The following ARHGAP18 variants were observed in gnomAD, a reference collection of about 807,000 sequenced individuals.
ARHGAP18 encodes the protein rho GTPase-activating protein 18.
Under a neutral mutation model 86.2 loss-of-function variants are expected in ARHGAP18, and 67 were observed. The observed-to-expected ratio is 0.78, with a 90% CI of 0.64 to 0.95. ARHGAP18 has a LOEUF of 0.95. ARHGAP18 is among the 40% of genes least tolerant of loss of function. The pLI, the probability that ARHGAP18 is intolerant of heterozygous loss-of-function variation, is 0.00. For missense variants in ARHGAP18, 691 were observed against 780.4 expected (o/e 0.89, Z 1.37); for synonymous variants, 283 against 280.4 (o/e 1.01, Z -0.09).
chr6:129,624,727 C>T (rs1030525450), intron 5 of ARHGAP18, among the ~76,000 whole-genome samples: 37 of 151,180 alleles, frequency 2.4e-4, no homozygotes, highest in Non-Finnish European at 4.3e-4. Context: ...GGTGGATCAC[C>T]TGAGGAGAGG....
intron 5 of ARHGAP18, among the ~76,000 whole-genome samples, chr6:129,625,729 TATTTA>T (rs1335694509): frequency 1.8e-5 from 1 of 55,512 alleles, no homozygotes; most frequent in Non-Finnish European, 3.0e-5. Flanking sequence ...ATATTATATA[TATTTA>T]TTATATATTT....
At chr6:129,619,981 A>T (rs1789194429) in intron 5 of ARHGAP18, among the ~76,000 whole-genome samples, 1 of 151,946 alleles carries the variant, frequency 6.6e-6, no homozygotes, top group Non-Finnish European at 1.5e-5. Flanking sequence ...CAACAAAAAG[A>T]AGAGGATGGG....
intron 1 of ARHGAP18, among the ~76,000 whole-genome samples, chr6:129,681,327 C>T (rs561229716): frequency 2.0e-5 from 3 of 152,290 alleles, no homozygotes; most frequent in East Asian, 3.9e-4. Context: ...CCGCCTGCCT[C>T]GGCCTCCCAA....
At position 129,595,062 on chromosome 6, in the gene ARHGAP18, G is replaced by A. The variant is rs1363102033; in HGVS notation, c.1713+4154C>T. On this transcript the variant is annotated intron_variant, in intron 12 of 14. Coordinates refer to ENST00000368149, the MANE Select transcript of ARHGAP18 (RefSeq NM_033515.3). ...ATCTAGATAACCTTAGTAACTTTAA[G>A]ATTGCTAATTCTCACTTTCCTCATC... is the stretch of plus-strand genomic sequence containing the variant. 2.6e-5 allele frequency among the ~76,000 whole-genome samples: 4 copies of A among 152,212 alleles called. No homozygotes were observed. The South Asian group carries it at 8.3e-4, about 32-fold the overall frequency.
chr6:129,609,148 A>C (rs1006797393), intron 8 of ARHGAP18, among the ~76,000 whole-genome samples: 7 of 152,108 alleles, frequency 4.6e-5, no homozygotes, highest in Non-Finnish European at 1.0e-4. Flanking sequence ...AAAGGACAAC[A>C]GAGGAAGATC....
intron 1 of ARHGAP18, among the ~76,000 whole-genome samples, chr6:129,674,026 T>TC (rs1460147964): frequency 6.6e-6 from 1 of 152,150 alleles, no homozygotes; most frequent in Non-Finnish European, 1.5e-5. Flanking sequence ...TTAAGCTTCT[T>TC]CCCAACTCTA....
At chr6:129,585,062 T>G (rs1372586885) in intron 12 of ARHGAP18, among the ~76,000 whole-genome samples, 2 of 151,908 alleles carry the variant, frequency 1.3e-5, no homozygotes, top group Admixed American at 1.3e-4. Flanking sequence ...GAATTGTTTT[T>G]TTAAAAAATA....
chr6:129,610,862 C>A (rs1414880538), intron 8 of ARHGAP18, among the ~76,000 whole-genome samples: 1 of 152,012 alleles, frequency 6.6e-6, no homozygotes, highest in Non-Finnish European at 1.5e-5. Flanking sequence ...CTTCTGACCT[C>A]GTGATCCGCC....
At chr6:129,601,219 T>C (rs1237032037) in intron 10 of ARHGAP18, among the ~76,000 whole-genome samples, 2 of 152,226 alleles carry the variant, frequency 1.3e-5, no homozygotes, top group Non-Finnish European at 2.9e-5. Flanking sequence ...TACTTTCCTA[T>C]GTAGAGATTT....
chr6:129,646,575 C>T (rs944925886), intron 1 of ARHGAP18, among the ~76,000 whole-genome samples: 6 of 152,152 alleles, frequency 3.9e-5, no homozygotes, highest in African/African-American at 1.4e-4. Context: ...ATGCTATTCA[C>T]TTAAGAATAA....
intron 10 of ARHGAP18, among the ~76,000 whole-genome samples, chr6:129,603,501 T>A (rs1788791310): frequency 6.6e-6 from 1 of 152,138 alleles, no homozygotes; most frequent in South Asian, 2.1e-4. Context: ...AAAAGCCAGG[T>A]TTGAGTACCA....
chr6:129,599,094 C>T, intron 12 of ARHGAP18, 122 bp downstream of exon 12: 2 of 787,762 alleles, frequency 2.5e-6, no homozygotes, highest in Non-Finnish European at 1.8e-6. Context: ...CTTTCACTTA[C>T]AAGTAGCACC....
chr6:129,647,890 T>G (rs959585055), intron 1 of ARHGAP18, among the ~76,000 whole-genome samples: 1 of 152,202 alleles, frequency 6.6e-6, no homozygotes, highest in Non-Finnish European at 1.5e-5. Context: ...AAAGGGGTGA[T>G]AGAATCGAGA....
intron 7 of ARHGAP18, among the ~76,000 whole-genome samples, 191 bp downstream of exon 7, chr6:129,616,021 T>C (rs1562691535): frequency 6.6e-6 from 1 of 152,160 alleles, no homozygotes. Flanking sequence ...GTTACAGTAA[T>C]AACACAGAAA....
chr6:129,656,443 C>T (rs948567426), intron 1 of ARHGAP18, among the ~76,000 whole-genome samples: 3 of 152,138 alleles, frequency 2.0e-5, no homozygotes, highest in Non-Finnish European at 4.4e-5. Flanking sequence ...GAGTTCAAGA[C>T]CAGCTAGGCC....
chr6:129,651,195 T>C (rs1773704477), intron 1 of ARHGAP18, among the ~76,000 whole-genome samples: 1 of 152,098 alleles, frequency 6.6e-6, no homozygotes, highest in African/African-American at 2.4e-5. Flanking sequence ...AAGCAGATAG[T>C]AAAGAAATCA....
rs1788544509 is a variant in ARHGAP18, at chr6:129,592,847, A to G, written c.1713+6369T>C. ...GGCAGAGATGCAATCTGAGGTAATT[A>G]TAAGATATCCTTTAAAATTCTAAAA... On this transcript the variant is annotated intron_variant, in intron 12 of 14. Coordinates refer to ENST00000368149, the MANE Select transcript of ARHGAP18 (RefSeq NM_033515.3). Among the ~76,000 whole-genome samples, 4 of 152,310 alleles carry G rather than the reference A, an allele frequency of 2.6e-5. No homozygotes were observed. The South Asian group carries it at 8.3e-4, about 32-fold the overall frequency.
intron 12 of ARHGAP18, among the ~76,000 whole-genome samples, chr6:129,592,339 C>A (rs531587470): frequency 6.6e-6 from 1 of 152,060 alleles, no homozygotes; most frequent in Non-Finnish European, 1.5e-5. Flanking sequence ...CATAAAGGCA[C>A]GCAACCCTGG....
intron 12 of ARHGAP18, among the ~76,000 whole-genome samples, chr6:129,593,971 A>G (rs1296238139): frequency 6.6e-6 from 1 of 152,176 alleles, no homozygotes. Flanking sequence ...GTTAGTTTTA[A>G]TAGCATACAA....
Sources: allele counts gnomAD v4.1 joint callset (sites outside exome capture counted in the v4.1 genomes callset), GRCh38; gene constraint gnomAD v4.1.1; transcripts MANE v1.5; gene names NCBI Gene and HGNC (gene_info 2026-07-23, HGNC 2026-07-21).